The following NKAIN1 variants were observed in gnomAD, a reference collection of about 807,000 sequenced individuals.
The protein encoded by NKAIN1 is sodium/potassium-transporting ATPase subunit beta-1-interacting protein 1.
NKAIN1 carries 13 observed loss-of-function variants against 31.6 expected under a neutral mutation model. The observed-to-expected ratio is 0.41, with a 90% confidence interval of 0.27 to 0.65. The LOEUF is 0.65. NKAIN1 is among the 30% of genes least tolerant of loss of function. The pLI is 0.30. For synonymous variants in NKAIN1, 104 were observed against 109.0 expected, an observed-to-expected ratio of 0.95 and a Z score of 0.28; for missense variants, 193 against 262.2, an observed-to-expected ratio of 0.74 and a Z score of 1.82.
At chr1:31,200,519 A>G (rs1296191716) in intron 1 of NKAIN1, among the ~76,000 whole-genome samples, 1 of 139,350 alleles carries the variant, frequency 7.2e-6, no homozygotes, top group Non-Finnish European at 1.5e-5. Flanking sequence ...GTGCAGTGGC[A>G]TGATCCGGGC....
rs915752061 is a variant in NKAIN1, at chr1:31,233,802, G to A, written c.54+5692C>T. On this transcript the variant is annotated intron_variant, in intron 1 of 6. Transcript: ENST00000373736. This position sits in a 1 kb window ranked among gnomAD's most constrained non-coding sequence, Gnocchi z 4.0. Reference sequence around the variant, plus strand: ...CTTGGCTATCCCGGCATCAACTTGCGAATTCCCCAAACTGCCATGGGCTCG... The same window carrying A: ...CTTGGCTATCCCGGCATCAACTTGCAAATTCCCCAAACTGCCATGGGCTCG... 4.6e-5 allele frequency among the ~76,000 whole-genome samples: 7 copies of A among 152,170 alleles called. No homozygotes were observed. Among genetic ancestry groups the A allele is most frequent in the Admixed American group, 2.6e-4 (4 of 15,274 alleles).
chr1:31,222,410 C>G (rs1645571331), intron 1 of NKAIN1, among the ~76,000 whole-genome samples: 1 of 152,218 alleles, frequency 6.6e-6, no homozygotes, highest in South Asian at 2.1e-4. Flanking sequence ...CCACCTGTCA[C>G]TCAGATAAAG....
chr1:31,224,044 AT>A (rs1645583694), intron 1 of NKAIN1, among the ~76,000 whole-genome samples: 1 of 152,138 alleles, frequency 6.6e-6, no homozygotes, highest in Admixed American at 6.5e-5. Flanking sequence ...AGCCTTATCA[AT>A]TGCTTGAATG....
At chr1:31,211,757 A>T (rs935565642) in intron 1 of NKAIN1, among the ~76,000 whole-genome samples, 2 of 152,134 alleles carry the variant, frequency 1.3e-5, no homozygotes, top group African/African-American at 4.8e-5. Context: ...CCTGGCTAAC[A>T]TAGTGAAATT....
chr1:31,214,316 G>A (rs1570469419), intron 1 of NKAIN1, among the ~76,000 whole-genome samples: 2 of 152,116 alleles, frequency 1.3e-5, no homozygotes, highest in South Asian at 2.1e-4. Flanking sequence ...GGGTTTGGGG[G>A]TCTCTTTTTA....
intron 1 of NKAIN1, 114 bp from the exon 2 acceptor site, chr1:31,188,301 C>T (rs78238175): frequency 0.023 from 26,872 of 1,179,768 alleles, 615 homozygotes; most frequent in African/African-American, 0.088. Flanking sequence ...GAGGCATAAG[C>T]CTCAGAACAA....
intron 1 of NKAIN1, among the ~76,000 whole-genome samples, chr1:31,197,996 G>A (rs114914195): frequency 0.026 from 3,926 of 152,218 alleles, 154 homozygotes; most frequent in African/African-American, 0.09. Context: ...AGGACTACAG[G>A]CATGTGCCAC....
intron 1 of NKAIN1, among the ~76,000 whole-genome samples, chr1:31,202,997 G>T (rs1408054979): frequency 3.7e-5 from 4 of 109,290 alleles, no homozygotes; most frequent in East Asian, 5.4e-4. Context: ...AAAAAGGCCA[G>T]GGGCAGTGGC....
chr1:31,198,512 C>G (rs1178515400), intron 1 of NKAIN1, among the ~76,000 whole-genome samples: 1 of 152,128 alleles, frequency 6.6e-6, no homozygotes, highest in Non-Finnish European at 1.5e-5. Flanking sequence ...TCCACGTCCC[C>G]CACTCGCCGC....
At position 31,239,379 on chromosome 1, in the gene NKAIN1, C is replaced by A; in HGVS notation, c.54+115G>T. 1 of 731,700 alleles carries A rather than the reference C, an allele frequency of 1.4e-6. No individual in the cohort carries two copies. The highest frequency in any genetic ancestry group is 1.9e-6 in the Non-Finnish European group (1 of 518,598). 45.3% of individuals were successfully genotyped at this position (731,700 alleles called of 1,614,324 possible). On this transcript the variant is annotated intron_variant, in intron 1 of 6. Coordinates refer to ENST00000373736, the MANE Select transcript of NKAIN1 (RefSeq NM_024522.3). The surrounding 1 kb of genome is among the most constrained non-coding windows in gnomAD (Gnocchi z 4.8). ...CCGAGACTCCAGACCACCCCCCGCC[C>A]GGGCACACGCACCAGACACACACAC... is the stretch of plus-strand genomic sequence containing the variant.
intron 1 of NKAIN1, among the ~76,000 whole-genome samples, chr1:31,208,641 G>T (rs57833922): frequency 0.08 from 12,046 of 150,548 alleles, 665 homozygotes; most frequent in African/African-American, 0.16. Context: ...GGGGGAGGGG[G>T]CCCTGGAAAC....
chr1:31,225,964 C>T (rs1454965170), intron 1 of NKAIN1, among the ~76,000 whole-genome samples: 1 of 152,238 alleles, frequency 6.6e-6, no homozygotes, highest in Admixed American at 6.5e-5. Flanking sequence ...ACTTACCTCA[C>T]TCAACTTATG....
intron 1 of NKAIN1, among the ~76,000 whole-genome samples, chr1:31,208,738 C>G (rs1025790990): frequency 1.3e-5 from 2 of 152,158 alleles, no homozygotes; most frequent in African/African-American, 4.8e-5. Flanking sequence ...GAGCGGTCAG[C>G]CCTTGTCTAC....
At position 31,182,584 on chromosome 1, in the gene NKAIN1, C is replaced by A. The variant is rs1645211643; in HGVS notation, c.478G>T (p.Gly160Cys). ...CTCACGTAGCAGGCGAACACGAAGC[C>A]GAACAGCTGGGAGTGGAGATGACAC... is the stretch of plus-strand genomic sequence containing the variant. Reference protein sequence around the residue: ...SALQIFLALFGFVFACYVSKV... With the variant: ...SALQIFLALFCFVFACYVSKV... The change falls in exon 5 of 7, where the codon GGC (glycine) becomes TGC (cysteine). Residue 160 changes from glycine to cysteine, a missense_variant. Coordinates refer to ENST00000373736, the MANE Select transcript of NKAIN1 (RefSeq NM_024522.3). 6.2e-7 allele frequency: 1 copy of A among 1,614,082 alleles called. No homozygotes were observed. The highest frequency in any genetic ancestry group is 8.5e-7 in the Non-Finnish European group (1 of 1,179,978).
Position 31,183,802 on chromosome 1 carries a change from G to T in NKAIN1, c.471+15C>A, listed in dbSNP as rs370469081. The T allele has an allele frequency of 1.2e-6, 2 of 1,606,740 alleles. No individual in the cohort carries two copies. Among genetic ancestry groups the T allele is most frequent in the East Asian group, 2.2e-5 (1 of 44,792 alleles). On this transcript the variant is annotated intron_variant, in intron 4 of 6. Coordinates refer to ENST00000373736, the MANE Select transcript of NKAIN1 (RefSeq NM_024522.3). ...ATCGGGAAGTGTGTGTAGGGTGGGG[G>T]ACAGAAGGACTTACTGCCAGGAAGA...
At chr1:31,221,080 G>C (rs1021331844) in intron 1 of NKAIN1, among the ~76,000 whole-genome samples, 2 of 152,150 alleles carry the variant, frequency 1.3e-5, no homozygotes, top group South Asian at 2.1e-4. Flanking sequence ...GTGAGCATGC[G>C]GGAGTACAGA....
intron 1 of NKAIN1, among the ~76,000 whole-genome samples, chr1:31,202,674 T>TA (rs35561378): frequency 0.72 from 72,472 of 100,846 alleles, 26,468 homozygotes; most frequent in Middle Eastern, 0.87. Context: ...AGACTCTGTA[T>TA]AAAAAAAAAA....
At chr1:31,188,256 C>T (rs1465134420) in intron 1 of NKAIN1, 69 bp from the exon 2 acceptor site, 1 of 1,511,356 alleles carries the variant, frequency 6.6e-7, no homozygotes, top group African/African-American at 1.4e-5. Context: ...CCTGCTTGAC[C>T]TTGGGGAGCA....
chr1:31,209,257 CCCA>C (rs1234804760), intron 1 of NKAIN1, among the ~76,000 whole-genome samples: 2 of 152,188 alleles, frequency 1.3e-5, no homozygotes, highest in African/African-American at 4.8e-5. Context: ...CACCTGTAGT[CCCA>C]GCTACTTGGG....
Sources: allele counts gnomAD v4.1 joint callset (sites outside exome capture counted in the v4.1 genomes callset), GRCh38; gene constraint gnomAD v4.1.1; non-coding constraint Gnocchi (gnomAD v3.1); transcripts MANE v1.5; gene names NCBI Gene and HGNC (gene_info 2026-07-23, HGNC 2026-07-21).